Variants in MCM3AP observed in about 807,000 individuals in gnomAD.
MCM3AP encodes germinal-center associated nuclear protein.
Under a neutral mutation model 184.1 loss-of-function variants are expected in MCM3AP, and 126 were observed. That is an observed-to-expected ratio of 0.68 (90% CI 0.59 to 0.79). The LOEUF (loss-of-function observed/expected upper bound fraction) is 0.79. Ranked by LOEUF, MCM3AP falls within the 30% of genes least tolerant of loss-of-function variation. The pLI, the probability that MCM3AP is intolerant of heterozygous loss-of-function variation, is 0.00. For missense variants in MCM3AP, 2,496 were observed against 2,479.2 expected, an observed-to-expected ratio of 1.01 and a Z score of -0.14; for synonymous variants, 1,002 against 979.3, an observed-to-expected ratio of 1.02 and a Z score of -0.43.
intron 20 of MCM3AP, chr21:46,249,782 T>G (rs1455877368): frequency 6.9e-6 from 2 of 287,872 alleles, no homozygotes; most frequent in Admixed American, 9.9e-5. Context: ...CATTTTATCC[T>G]CAAGAGCCAG....
At chr21:46,260,248 GAAAT>G (rs1290151746) in intron 15 of MCM3AP, among the ~76,000 whole-genome samples, 1 of 152,138 alleles carries the variant, frequency 6.6e-6, no homozygotes, top group Non-Finnish European at 1.5e-5. Context: ...TAACAGTTAA[GAAAT>G]AAACCTTTAT....
At chr21:46,281,306 T>G (rs144095140) in intron 2 of MCM3AP, among the ~76,000 whole-genome samples, 74 of 152,234 alleles carry the variant, frequency 4.9e-4, no homozygotes, top group African/African-American at 1.6e-3. Flanking sequence ...ACCAACCACG[T>G]TAGTCTCCGT....
chr21:46,258,900 C>T (rs368612049), intron 16 of MCM3AP, 39 bp downstream of exon 16: 48 of 1,609,998 alleles, frequency 3.0e-5, no homozygotes, highest in Non-Finnish European at 3.7e-5. Context: ...GACTCTTCCC[C>T]GTGTGTGTGG....
intron 19 of MCM3AP, chr21:46,253,163 T>C (rs2080898958): frequency 1.3e-5 from 2 of 152,076 alleles, no homozygotes; most frequent in Admixed American, 1.3e-4. Context: ...GAGACTGTAG[T>C]TGCTTTAAAA....
In MCM3AP at chr21:46,280,954, G is replaced by A. The variant is rs192743295; in HGVS notation, c.1444-379C>T. 5.3e-5 allele frequency among the ~76,000 whole-genome samples: 8 copies of A among 152,212 alleles called. No homozygotes were observed. The East Asian group carries it at 7.7e-4, about 15-fold the overall frequency. On this transcript the variant is annotated intron_variant, in intron 2 of 27. Coordinates refer to ENST00000291688, the MANE Select transcript of MCM3AP (RefSeq NM_003906.5). ...TGAGCAGCTGGGACTACAGGCGCCC[G>A]CCACCACATCCGGCTAATTTTTTGT...
chr21:46,267,345 C>A, intron 9 of MCM3AP: 2 of 569,966 alleles, frequency 3.5e-6, no homozygotes, highest in Non-Finnish European at 6.3e-6. Flanking sequence ...GGAATGCGTG[C>A]CAAGCAAACA....
rs1349388789 is a variant in MCM3AP, at chr21:46,285,380, C to G, written c.-94G>C. On this transcript the variant is annotated 5_prime_UTR_variant, in exon 1 of 28. Transcript: ENST00000291688. ...CCTGTAGCACTAGGGAGTTCCCCTT[C>G]GTCTTTAGAACAAGCTGAAAGAGAA... is the stretch of plus-strand genomic sequence containing the variant. The G allele has an allele frequency of 3.8e-6, 3 of 793,354 alleles. No homozygotes were observed. In the Admixed American group the frequency reaches 6.8e-5, roughly 18 times the overall value. 49.1% of individuals were successfully genotyped at this position (793,354 alleles called of 1,614,324 possible).
chr21:46,260,759 T>A, intron 15 of MCM3AP, 34 bp downstream of exon 15: 1 of 1,475,230 alleles, frequency 6.8e-7, no homozygotes, highest in Non-Finnish European at 9.5e-7. Flanking sequence ...AAGCTCACTC[T>A]CCTGGCACAG....
intron 20 of MCM3AP, chr21:46,247,123 CTTT>C (rs35214687): frequency 3.9e-4 from 149 of 377,848 alleles, no homozygotes; most frequent in Middle Eastern, 1.5e-3. Flanking sequence ...TCCCCTCAAC[CTTT>C]TTTTTTTTTT....
In MCM3AP at chr21:46,240,859, G is replaced by A. The variant is rs772612320; in HGVS notation, c.5585C>T (p.Ala1862Val). The change falls in exon 26 of 28, where the codon GCG (alanine) becomes GTG (valine). Residue 1862 changes from alanine (A) to valine (V), a missense_variant. Physicochemically the swap from Ala to Val is moderately conservative, Grantham distance 64. Around this residue, in one of 5 missense-constraint regions of MCM3AP, gnomAD observed 1,323 missense variants for 1,273.4 expected, o/e 1.04. Transcript: ENST00000291688. ...CAGCAGACTGCTCGACAAACACTGC[G>A]CCAAGAGCTCCTCAGCAGAAGCTCC... ...MRGASAEELL[A>V]QCLSSSLLLE... The A allele has an allele frequency of 2.1e-5, 34 of 1,614,014 alleles. No individual in the cohort carries two copies. Among genetic ancestry groups the A allele is most frequent in the Non-Finnish European group, 2.6e-5 (31 of 1,180,044 alleles).
At chr21:46,268,795 G>A (rs2081144269) in intron 9 of MCM3AP, among the ~76,000 whole-genome samples, 2 of 152,214 alleles carry the variant, frequency 1.3e-5, no homozygotes, top group Admixed American at 6.5e-5. Context: ...TGTAATCCCA[G>A]CACTTTGGGA....
rs184296507 is a variant in MCM3AP at position 46,242,601 on chromosome 21, G to T, written c.5426+201C>A. ...TGGTTAGGTATGATTTCAGGGTCAG[G>T]TATGCCTGATAAATGAAGTGAGATG... On this transcript the variant is annotated intron_variant, in intron 25 of 27. Coordinates refer to ENST00000291688, the MANE Select transcript of MCM3AP (RefSeq NM_003906.5). The T allele has an allele frequency of 2.9e-4, 130 of 451,216 alleles. 1 individual carries two copies. The South Asian group carries it at 4.6e-3, about 16-fold the overall frequency. The allele number at this position is 451,216 out of a possible 1,614,324, so 28.0% of individuals were successfully genotyped here.
Position 46,285,271 on chromosome 21 carries a change from G to A in MCM3AP, c.16C>T (p.Pro6Ser). The change falls in exon 1 of 28, where the codon CCT (proline) becomes TCT (serine). Residue 6 changes from proline (P) to serine (S), a missense_variant. Pro to Ser is a moderately conservative substitution (Grantham distance 74). This residue lies in a region of MCM3AP where 800 missense variants were observed against 717.1 expected (regional missense o/e 1.12). Coordinates refer to ENST00000291688, the MANE Select transcript of MCM3AP (RefSeq NM_003906.5). ...GCACTAGGCTGCTGCCCACTGAAAGGATTAGTTGGGTTCATCTTCTGCTCC... is the reference window on the plus strand; with the variant it reads ...GCACTAGGCTGCTGCCCACTGAAAGAATTAGTTGGGTTCATCTTCTGCTCC... MNPTN[P>S]FSGQQPSAFS... The A allele has an allele frequency of 1.2e-6, 2 of 1,612,306 alleles. No homozygotes were observed. The highest frequency in any genetic ancestry group is 1.1e-5 in the South Asian group (1 of 90,984).
chr21:46,260,670 T>C, intron 15 of MCM3AP, 123 bp downstream of exon 15: 1 of 661,790 alleles, frequency 1.5e-6, no homozygotes, highest in East Asian at 2.6e-5. Context: ...GGTCACAAAA[T>C]CAAAGTAGCT....
At chr21:46,256,441 G>A in intron 17 of MCM3AP, 1 of 308,988 alleles carries the variant, frequency 3.2e-6, no homozygotes. Flanking sequence ...ACACAGGCCA[G>A]CGTGGACCTC....
At chr21:46,245,581 C>T (rs563892086) in intron 22 of MCM3AP, among the ~76,000 whole-genome samples, 1 of 152,346 alleles carries the variant, frequency 6.6e-6, no homozygotes, top group South Asian at 2.1e-4. Flanking sequence ...GGTGCCTTCA[C>T]ACCCTATGGT....
At chr21:46,256,623 C>T (rs1170967013) in intron 17 of MCM3AP, 166 bp downstream of exon 17, 2 of 796,104 alleles carry the variant, frequency 2.5e-6, no homozygotes, top group Non-Finnish European at 3.9e-6. Context: ...TGGGAGACAA[C>T]CTTCAAAATG....
rs747293944 is a variant in MCM3AP, at chr21:46,245,138, G to A, written c.4707C>T (p.Cys1569=). The change falls in exon 23 of 28, where the codon TGC becomes TGT. Residue 1569 remains cysteine, a synonymous_variant. Coordinates refer to ENST00000291688, the MANE Select transcript of MCM3AP (RefSeq NM_003906.5). ...SHCPHSLDLC[C]QTLIQYVEDG... ...CTTCGACGTACTGAATGAGAGTCTG[G>A]CAGCAGAGGTCAAGGGAATGGGGGC... 6.2e-6 allele frequency: 10 copies of A among 1,614,086 alleles called. No homozygotes were observed. The highest frequency in any genetic ancestry group is 7.6e-6 in the Non-Finnish European group (9 of 1,180,032).
At chr21:46,260,305 G>T (rs1323250558) in intron 15 of MCM3AP, among the ~76,000 whole-genome samples, 2 of 152,252 alleles carry the variant, frequency 1.3e-5, no homozygotes, top group African/African-American at 4.8e-5. Flanking sequence ...TAGAGACAGG[G>T]TCTCACTATG....
Sources: allele counts gnomAD v4.1 joint callset (sites outside exome capture counted in the v4.1 genomes callset), GRCh38; gene constraint gnomAD v4.1.1; regional missense constraint gnomAD v4.1.1; transcripts MANE v1.5; gene names NCBI Gene and HGNC (gene_info 2026-07-23, HGNC 2026-07-21).